DOCK3: variants seen among roughly 807,000 people sequenced by gnomAD.
DOCK3 encodes dedicator of cytokinesis 3.
DOCK3 carries 60 observed loss-of-function variants against 265.6 expected under a neutral mutation model. The observed-to-expected ratio is 0.23, with a 90% CI of 0.18 to 0.28. The LOEUF (loss-of-function observed/expected upper bound fraction) is 0.28, where lower values mean the gene tolerates loss of function less well. DOCK3 is among the 10% of genes least tolerant of loss of function. DOCK3 has a pLI of 1.00. For synonymous variants in DOCK3, 881 were observed against 938.0 expected, an observed-to-expected ratio of 0.94 and a Z score of 1.11; for missense variants, 1,981 against 2,594.3, an observed-to-expected ratio of 0.76 and a Z score of 5.14.
intron 9 of DOCK3, among the ~76,000 whole-genome samples, chr3:51,103,741 G>A (rs1284928811): frequency 6.6e-6 from 1 of 152,188 alleles, no homozygotes; most frequent in Non-Finnish European, 1.5e-5. Context: ...TACAAAGGAA[G>A]GATACATTTC....
chr3:51,168,698 G>A (rs968349667), intron 12 of DOCK3, among the ~76,000 whole-genome samples: 13 of 152,156 alleles, frequency 8.5e-5, no homozygotes, highest in Non-Finnish European at 1.5e-4. Context: ...ATTTCATGAT[G>A]AAAATGACAA....
chr3:50,726,056 C>T (rs1282520090), intron 1 of DOCK3, among the ~76,000 whole-genome samples: 1 of 152,108 alleles, frequency 6.6e-6, no homozygotes, highest in Non-Finnish European at 1.5e-5. Context: ...CTGTGCACAT[C>T]CTCCCATATA....
At chr3:50,831,336 G>A (rs183920533) in intron 2 of DOCK3, among the ~76,000 whole-genome samples, 24 of 151,936 alleles carry the variant, frequency 1.6e-4, no homozygotes, top group African/African-American at 5.3e-4. Flanking sequence ...CCATCAACCC[G>A]TCATCTACAT....
intron 51 of DOCK3, among the ~76,000 whole-genome samples, chr3:51,377,800 G>A (rs1283736903): frequency 6.6e-6 from 1 of 152,192 alleles, no homozygotes; most frequent in Non-Finnish European, 1.5e-5. Flanking sequence ...CTGCCCTAGA[G>A]CTCCTTTGAG....
intron 2 of DOCK3, among the ~76,000 whole-genome samples, chr3:50,779,643 C>T (rs1247067337): frequency 1.3e-5 from 2 of 152,174 alleles, no homozygotes; most frequent in Admixed American, 6.5e-5. Context: ...ATCAACCTCC[C>T]AAAGTGCTGG....
chr3:50,950,767 C>A (rs1407309103), intron 5 of DOCK3, among the ~76,000 whole-genome samples: 2 of 152,150 alleles, frequency 1.3e-5, no homozygotes, highest in Admixed American at 6.5e-5. Flanking sequence ...CAGGTGCTCA[C>A]AGGGCAAGTG....
At chr3:50,824,494 A>C (rs1186771082) in intron 2 of DOCK3, among the ~76,000 whole-genome samples, 1 of 152,236 alleles carries the variant, frequency 6.6e-6, no homozygotes, top group African/African-American at 2.4e-5. Context: ...TAGGGGGTCA[A>C]AATGATGTAG....
At chr3:50,988,349 A>G (rs555378290) in intron 5 of DOCK3, among the ~76,000 whole-genome samples, 73 of 151,422 alleles carry the variant, frequency 4.8e-4, no homozygotes, top group Admixed American at 9.2e-4. Flanking sequence ...CCCCCCCACA[A>G]CCCCTGTTGG....
At chr3:51,254,125 C>T (rs2079415285) in intron 22 of DOCK3, among the ~76,000 whole-genome samples, 1 of 152,236 alleles carries the variant, frequency 6.6e-6, no homozygotes, top group South Asian at 2.1e-4. Flanking sequence ...TTGTTATGTA[C>T]CCAGTAGTCA....
At chr3:50,715,878 T>C (rs1559544777) in intron 1 of DOCK3, among the ~76,000 whole-genome samples, 4 of 152,140 alleles carry the variant, frequency 2.6e-5, no homozygotes, top group Non-Finnish European at 5.9e-5. Flanking sequence ...AAACTTTTGT[T>C]ATGTCTTAGG....
At chr3:51,005,234 G>A (rs537937605) in intron 5 of DOCK3, among the ~76,000 whole-genome samples, 10 of 152,136 alleles carry the variant, frequency 6.6e-5, no homozygotes, top group Middle Eastern at 3.4e-3. Flanking sequence ...AGAACACTGC[G>A]CTAAGGTGGG....
chr3:50,953,797 G>A (rs529659925), intron 5 of DOCK3, among the ~76,000 whole-genome samples: 28 of 152,186 alleles, frequency 1.8e-4, no homozygotes, highest in African/African-American at 5.8e-4. Context: ...CAACAAATTG[G>A]TAACTAGCAC....
intron 4 of DOCK3, among the ~76,000 whole-genome samples, chr3:50,916,028 G>A (rs192049750): frequency 7.1e-4 from 108 of 152,122 alleles, no homozygotes; most frequent in Non-Finnish European, 1.3e-3. Flanking sequence ...CGCCCCCAGA[G>A]CAAGATACAC....
intron 23 of DOCK3, among the ~76,000 whole-genome samples, chr3:51,267,548 C>T (rs1395428929): frequency 1.3e-5 from 2 of 152,036 alleles, no homozygotes; most frequent in Non-Finnish European, 2.9e-5. Flanking sequence ...CCATGTTCAG[C>T]TAATTTTTTC....
chr3:50,862,286 A>C (rs1575387532), intron 3 of DOCK3, among the ~76,000 whole-genome samples: 1 of 152,230 alleles, frequency 6.6e-6, no homozygotes, highest in East Asian at 1.9e-4. Flanking sequence ...TGGATGAATT[A>C]GCTTACATAT....
intron 5 of DOCK3, among the ~76,000 whole-genome samples, chr3:51,011,157 A>T (rs1356602610): frequency 2.0e-5 from 3 of 152,112 alleles, no homozygotes; most frequent in Non-Finnish European, 2.9e-5. Context: ...CTGAATTTGA[A>T]TGTTGGCGTG....
intron 31 of DOCK3, 93 bp from the exon 32 acceptor site, chr3:51,314,887 A>G: frequency 2.2e-6 from 3 of 1,382,096 alleles, no homozygotes; most frequent in South Asian, 1.7e-5. Flanking sequence ...AGAAGCTTCC[A>G]GTATGGATTG....
intron 12 of DOCK3, among the ~76,000 whole-genome samples, chr3:51,173,206 G>C (rs2086774920): frequency 6.6e-6 from 1 of 152,110 alleles, no homozygotes; most frequent in Non-Finnish European, 1.5e-5. Context: ...CTGAAGCCTT[G>C]ACCTCCTGGG....
At chr3:51,276,366 G>A (rs1214519403) in intron 25 of DOCK3, 7 of 985,348 alleles carry the variant, frequency 7.1e-6, no homozygotes, top group Non-Finnish European at 8.4e-6. Context: ...TTGTATTGAG[G>A]GGGTGGACAG....
Sources: gnomAD v4.1 joint callset for allele counts (sites outside exome capture counted in the v4.1 genomes callset) on GRCh38, gnomAD v4.1.1 for gene constraint, MANE v1.5 for transcripts, NCBI Gene and HGNC (gene_info 2026-07-23, HGNC 2026-07-21) for gene names.